The following IL12RB2 variants were observed in gnomAD, a reference collection of about 807,000 sequenced individuals.
IL12RB2 encodes the protein interleukin-12 receptor subunit beta-2.
Under a neutral mutation model 89.4 loss-of-function variants are expected in IL12RB2, and 82 were observed. The observed-to-expected ratio is 0.92, with a 90% confidence interval of 0.77 to 1.10. The LOEUF (loss-of-function observed/expected upper bound fraction) is 1.10. Among genes scored for constraint, IL12RB2 ranks in the 50% least tolerant of loss-of-function variants. The probability of loss-of-function intolerance (pLI) is 0.00; values close to 1 mark genes in which losing one functional copy is unlikely to be tolerated. For synonymous variants in IL12RB2, 368 were observed against 370.1 expected (o/e 0.99, Z 0.07); for missense variants, 963 against 1,031.9 (o/e 0.93, Z 0.92).
At chr1:67,357,469 T>C (rs1661530668) in intron 10 of IL12RB2, among the ~76,000 whole-genome samples, 1 of 152,214 alleles carries the variant, frequency 6.6e-6, no homozygotes, top group African/African-American at 2.4e-5. Flanking sequence ...CAACAAATAA[T>C]AGAAGCTAGC....
At chr1:67,340,905 T>A (rs866800150) in intron 9 of IL12RB2, among the ~76,000 whole-genome samples, 60 of 152,188 alleles carry the variant, frequency 3.9e-4, no homozygotes, top group African/African-American at 1.4e-3. Flanking sequence ...AGTTCAGCCT[T>A]CCTTTCATTA....
chr1:67,321,004 G>A (rs1397228299), intron 3 of IL12RB2, among the ~76,000 whole-genome samples: 1 of 144,694 alleles, frequency 6.9e-6, no homozygotes, highest in African/African-American at 2.6e-5. Context: ...TTGGTTTTCT[G>A]TTCTTGTGTT....
At chr1:67,351,810 T>C (rs1318525791) in intron 10 of IL12RB2, among the ~76,000 whole-genome samples, 1 of 152,202 alleles carries the variant, frequency 6.6e-6, no homozygotes, top group Non-Finnish European at 1.5e-5. Flanking sequence ...TCATATCCTC[T>C]GAAAATTAAC....
chr1:67,383,656 T>A (rs1664839196), intron 14 of IL12RB2, among the ~76,000 whole-genome samples: 1 of 152,152 alleles, frequency 6.6e-6, no homozygotes, highest in South Asian at 2.1e-4. Context: ...ATAGGCCCCA[T>A]GCAAGTCCAA....
At position 67,329,204 on chromosome 1, in the gene IL12RB2, G is replaced by A. The variant is rs577625404; in HGVS notation, c.665-383G>A. On this transcript the variant is annotated intron_variant, in intron 6 of 16. Transcript: ENST00000674203. Reference sequence around the variant, plus strand: ...GTCCCTTTGCTATGAATTTTCCTACGAACATTTCTTCTCCTCCTGAGGCAG... The same window carrying A: ...GTCCCTTTGCTATGAATTTTCCTACAAACATTTCTTCTCCTCCTGAGGCAG... Among the ~76,000 whole-genome samples the A allele has an allele frequency of 5.9e-5, 9 of 152,022 alleles. No homozygotes were observed. The East Asian group carries it at 1.5e-3, about 26-fold the overall frequency.
chr1:67,331,885 TAG>T (rs1285765531), intron 8 of IL12RB2, among the ~76,000 whole-genome samples: 1 of 152,164 alleles, frequency 6.6e-6, no homozygotes, highest in East Asian at 1.9e-4. Flanking sequence ...AGTGATATAG[TAG>T]AGAGTCTTTC....
intron 10 of IL12RB2, among the ~76,000 whole-genome samples, chr1:67,352,894 C>T (rs6672670): frequency 0.62 from 94,130 of 152,088 alleles, 32,912 homozygotes; most frequent in South Asian, 0.78. Context: ...CTCTTGTACA[C>T]GCTAGTGAGT....
intron 14 of IL12RB2, among the ~76,000 whole-genome samples, chr1:67,382,262 G>T (rs1428471631): frequency 6.6e-6 from 1 of 152,134 alleles, no homozygotes; most frequent in African/African-American, 2.4e-5. Context: ...GTATGGGGTA[G>T]AAAAAAGGTT....
chr1:67,362,578 AAAAAAAAAAAAAAAG>A (rs1662205337), intron 10 of IL12RB2, among the ~76,000 whole-genome samples: 1 of 148,974 alleles, frequency 6.7e-6, no homozygotes, highest in Non-Finnish European at 1.5e-5. Context: ...GTCTCAAAAA[AAAAAAAAAAAAAAAG>A]AAAAAGAAAA....
chr1:67,346,623 T>G (rs760333483), intron 9 of IL12RB2, among the ~76,000 whole-genome samples: 1 of 152,092 alleles, frequency 6.6e-6, no homozygotes, highest in African/African-American at 2.4e-5. Context: ...TGACTTCAAG[T>G]GATTTGCCCA....
intron 5 of IL12RB2, among the ~76,000 whole-genome samples, chr1:67,327,207 C>T (rs1044348326): frequency 3.3e-5 from 5 of 152,096 alleles, no homozygotes; most frequent in African/African-American, 7.2e-5. Context: ...GATCCACCCG[C>T]CTCAGCCTCC....
chr1:67,367,324 G>A lies in IL12RB2; in HGVS notation c.1259-501G>A, dbSNP rs187043485. Among the ~76,000 whole-genome samples, 8 of 152,018 alleles carry A rather than the reference G, an allele frequency of 5.3e-5. No individual in the cohort carries two copies. The East Asian group carries it at 1.4e-3, about 26-fold the overall frequency. On this transcript the variant is annotated intron_variant, in intron 10 of 16. Coordinates refer to ENST00000674203, the MANE Select transcript of IL12RB2 (RefSeq NM_001374259.2). ...GTGGGAGGATCACTTGAATCTGGGA[G>A]GTTGAGGCTGCAGTGATCTGTGCTT... is the stretch of plus-strand genomic sequence containing the variant.
At chr1:67,395,504 A>G (rs766379961) in intron 16 of IL12RB2, 43 bp from the exon 17 acceptor site, 2 of 1,613,912 alleles carry the variant, frequency 1.2e-6, no homozygotes, top group African/African-American at 2.7e-5. Flanking sequence ...TGTGAAGGTC[A>G]CTTCTACAGC....
chr1:67,338,226 G>A (rs951794895), intron 8 of IL12RB2, among the ~76,000 whole-genome samples: 3 of 151,564 alleles, frequency 2.0e-5, no homozygotes, highest in East Asian at 3.9e-4. Flanking sequence ...CTATGTGGGA[G>A]GCTGAGGCAG....
intron 11 of IL12RB2, among the ~76,000 whole-genome samples, chr1:67,371,666 T>A (rs971391596): frequency 6.6e-6 from 1 of 152,098 alleles, no homozygotes; most frequent in African/African-American, 2.4e-5. Context: ...AATAAGGAAT[T>A]TTGGTGGGGA....
At chr1:67,376,129 AGCCACCGCGCCTG>A (rs1663962180) in intron 13 of IL12RB2, among the ~76,000 whole-genome samples, 1 of 151,724 alleles carries the variant, frequency 6.6e-6, no homozygotes, top group African/African-American at 2.4e-5. Flanking sequence ...TACAGACGTG[AGCCACCGCGCCTG>A]GCTGGCCAGC....
chr1:67,388,643 C>A (rs1665486320), intron 15 of IL12RB2, among the ~76,000 whole-genome samples: 1 of 152,134 alleles, frequency 6.6e-6, no homozygotes, highest in South Asian at 2.1e-4. Flanking sequence ...CGCACCCAGC[C>A]TAAACCACAA....
At position 67,367,992 on chromosome 1, in the gene IL12RB2, A is replaced by G. The variant is rs771271419; in HGVS notation, c.1426A>G (p.Ser476Gly). ...DTQVPLNWLRSRPYNVSALIS... is the reference protein window; with the variant it reads ...DTQVPLNWLRGRPYNVSALIS... The stretch of plus-strand genomic sequence containing the variant: ...ACAGGTCCCTCTAAACTGGCTACGG[A>G]GTCGACCCTACAATGTGTCTGCTCT... Residue 476 changes from serine (S) to glycine (G), a missense_variant, in exon 11 of 17, where the codon AGT (serine) becomes GGT (glycine). Transcript: ENST00000674203. 19 of 1,609,258 alleles carry G rather than the reference A, an allele frequency of 1.2e-5. No individual in the cohort carries two copies. The highest frequency in any genetic ancestry group is 2.6e-6 in the Non-Finnish European group (3 of 1,175,708).
chr1:67,361,998 C>T (rs1266376731), intron 10 of IL12RB2, among the ~76,000 whole-genome samples: 5 of 152,206 alleles, frequency 3.3e-5, no homozygotes, highest in Non-Finnish European at 5.9e-5. Context: ...AGGCCTGGCG[C>T]GGTGGCTCAC....
Sources: gnomAD v4.1 joint callset for allele counts (sites outside exome capture counted in the v4.1 genomes callset) on GRCh38, gnomAD v4.1.1 for gene constraint, MANE v1.5 for transcripts, NCBI Gene and HGNC (gene_info 2026-07-23, HGNC 2026-07-21) for gene names.